GTF2E2: variants seen among roughly 807,000 people sequenced by gnomAD.
The protein encoded by GTF2E2 is transcription initiation factor IIE subunit beta.
GTF2E2 carries 21 observed loss-of-function variants against 40.5 expected under a neutral mutation model. The observed-to-expected ratio is 0.52, with a 90% CI of 0.37 to 0.75. GTF2E2 has a LOEUF of 0.75. GTF2E2 is among the 30% of genes least tolerant of loss of function. GTF2E2 has a pLI of 0.00. For synonymous variants in GTF2E2, 117 were observed against 121.6 expected (o/e 0.96, Z 0.25); for missense variants, 298 against 338.4 (o/e 0.88, Z 0.94).
intron 6 of GTF2E2, among the ~76,000 whole-genome samples, chr8:30,590,513 C>A (rs564746051): frequency 4.6e-5 from 7 of 152,268 alleles, no homozygotes; most frequent in African/African-American, 1.7e-4. Flanking sequence ...CTAAAGGACA[C>A]TGGACCCACG....
At chr8:30,623,998 A>G (rs1431000823) in intron 3 of GTF2E2, among the ~76,000 whole-genome samples, 1 of 152,076 alleles carries the variant, frequency 6.6e-6, no homozygotes, top group African/African-American at 2.4e-5. Flanking sequence ...TTTGCTGTGC[A>G]GAAGCCCTTT....
chr8:30,591,917 T>A (rs1828862144), intron 6 of GTF2E2, among the ~76,000 whole-genome samples: 2 of 151,986 alleles, frequency 1.3e-5, no homozygotes, highest in East Asian at 3.8e-4. Flanking sequence ...GGCCATACAA[T>A]AGAATTTTTT....
intron 1 of GTF2E2, chr8:30,657,717 G>A (rs1802488745): frequency 6.6e-6 from 1 of 152,266 alleles, no homozygotes; most frequent in Non-Finnish European, 1.5e-5. Flanking sequence ...TGGAGGCTTG[G>A]AAGAGGCACA....
intron 2 of GTF2E2, among the ~76,000 whole-genome samples, chr8:30,640,739 C>T (rs1457022594): frequency 6.6e-6 from 1 of 152,174 alleles, no homozygotes; most frequent in African/African-American, 2.4e-5. Context: ...GAGTCTCACT[C>T]TATCGCCCAG....
intron 3 of GTF2E2, among the ~76,000 whole-genome samples, chr8:30,628,047 T>G (rs1801337072): frequency 6.6e-6 from 1 of 152,222 alleles, no homozygotes; most frequent in African/African-American, 2.4e-5. Context: ...CTGTTTGGGC[T>G]TGAAAGTGAG....
At position 30,614,844 on chromosome 8, in the gene GTF2E2, C is replaced by A. The variant is rs556458117; in HGVS notation, c.259-129G>T. The A allele has an allele frequency of 1.5e-5, 9 of 598,170 alleles. No individual in the cohort carries two copies. In the East Asian group the frequency reaches 2.6e-4, roughly 18 times the overall value. The allele number at this position is 598,170 out of a possible 1,614,324, so 37.1% of individuals were successfully genotyped here. A position where few individuals can be genotyped will look rare whatever the true frequency, so the allele number is the denominator to read the frequency against. On this transcript the variant is annotated intron_variant, in intron 3 of 7. Coordinates refer to ENST00000355904, the MANE Select transcript of GTF2E2 (RefSeq NM_002095.6). ...ATTCCAGGTAGCATAATTATAGTGA[C>A]GAAGAGCCATAGACCATGAAATCAG... is the stretch of plus-strand genomic sequence containing the variant.
intron 3 of GTF2E2, among the ~76,000 whole-genome samples, chr8:30,626,409 C>T (rs1416980461): frequency 3.9e-5 from 6 of 152,080 alleles, no homozygotes; most frequent in African/African-American, 1.2e-4. Context: ...CGCTTGAACC[C>T]GAGAGGTGGA....
In GTF2E2 at chr8:30,578,881, A is replaced by G. The variant is rs759028940; in HGVS notation, c.*40T>C. On this transcript the variant is annotated 3_prime_UTR_variant, in exon 8 of 8. Coordinates refer to ENST00000355904, the MANE Select transcript of GTF2E2 (RefSeq NM_002095.6). ...CCGAGCATCAGCAAGAACACTCTTG[A>G]TTGTGTATCTGTAACTCTGTTCCAG... is the stretch of plus-strand genomic sequence containing the variant. 1 of 972,634 alleles carries G rather than the reference A, an allele frequency of 1.0e-6. No individual in the cohort carries two copies. 60.3% of individuals were successfully genotyped at this position (972,634 alleles called of 1,614,324 possible). A position where few individuals can be genotyped will look rare whatever the true frequency, so the allele number is the denominator to read the frequency against.
At chr8:30,606,862 T>C (rs913986573) in intron 6 of GTF2E2, among the ~76,000 whole-genome samples, 195 bp downstream of exon 6, 1 of 152,142 alleles carries the variant, frequency 6.6e-6, no homozygotes, top group Admixed American at 6.6e-5. Flanking sequence ...ACCTAAAATC[T>C]TTCAAATCAC....
intron 2 of GTF2E2, among the ~76,000 whole-genome samples, chr8:30,635,467 C>G (rs1354937515): frequency 1.3e-5 from 2 of 152,104 alleles, no homozygotes; most frequent in African/African-American, 4.8e-5. Flanking sequence ...ACTACACCCT[C>G]AACTTCCCAG....
At chr8:30,612,689 G>C (rs1467396246) in intron 4 of GTF2E2, among the ~76,000 whole-genome samples, 2 of 152,098 alleles carry the variant, frequency 1.3e-5, no homozygotes, top group East Asian at 3.9e-4. Context: ...TGGGACTGCA[G>C]GTGCGCACCA....
At position 30,623,141 on chromosome 8, in the gene GTF2E2, A is replaced by T. The variant is rs570613996; in HGVS notation, c.259-8426T>A. ...GAAAGGCATAAGAAATTATAAAAGT[A>T]TTAAATTGGGGAACTAATAAATGTC... On this transcript the variant is annotated intron_variant, in intron 3 of 7. Transcript: ENST00000355904. 1.1e-3 allele frequency among the ~76,000 whole-genome samples: 160 copies of T among 152,228 alleles called. 4 individuals are homozygous for T. The highest frequency in any genetic ancestry group is 3.7e-3 in the African/African-American group (153 of 41,482).
intron 6 of GTF2E2, among the ~76,000 whole-genome samples, chr8:30,593,932 T>G (rs1262859923): frequency 6.6e-6 from 1 of 152,078 alleles, no homozygotes; most frequent in Non-Finnish European, 1.5e-5. Flanking sequence ...TATTTTTTAT[T>G]TTTTTATCTT....
chr8:30,653,462 C>T lies in GTF2E2; in HGVS notation c.137G>A (p.Gly46Glu), dbSNP rs543436891. 7 of 1,613,772 alleles carry T rather than the reference C, an allele frequency of 4.3e-6. No individual in the cohort carries two copies. In the East Asian group the frequency reaches 1.3e-4, roughly 31 times the overall value. ...ATTTTGTTTAGAGCCTGACGATCCT[C>T]CATGTTCTACCTTTGTTTTCTTCTT... ...SKKKKTKVEH[G>E]GSSGSKQNSD... is the part of the protein sequence containing the mutation. Residue 46 changes from glycine to glutamate, a missense_variant, in exon 2 of 8, where the codon GGA (glycine) becomes GAA (glutamate). Physicochemically the swap from Gly to Glu is moderately conservative, Grantham distance 98 (BLOSUM62 -2). Coordinates refer to ENST00000355904, the MANE Select transcript of GTF2E2 (RefSeq NM_002095.6).
Position 30,607,030 on chromosome 8 carries a change from A to C in GTF2E2, c.643+27T>G, listed in dbSNP as rs766280246. The C allele has an allele frequency of 8.5e-6, 7 of 820,834 alleles. No individual in the cohort carries two copies. The South Asian group carries it at 1.2e-4, about 14-fold the overall frequency. 50.8% of individuals were successfully genotyped at this position (820,834 alleles called of 1,614,324 possible). On this transcript the variant is annotated intron_variant, in intron 6 of 7. Transcript: ENST00000355904. ...CCCTAAAATTGTAATATACTTGCAAACTAAAGTATAATACAGAAAAGCTCA... is the reference window on the plus strand; with the variant it reads ...CCCTAAAATTGTAATATACTTGCAACCTAAAGTATAATACAGAAAAGCTCA...
At chr8:30,656,931 T>G (rs1205597721) in intron 1 of GTF2E2, 1 of 152,026 alleles carries the variant, frequency 6.6e-6, no homozygotes, top group African/African-American at 2.4e-5. Flanking sequence ...TTTTAATACG[T>G]GAAATCTGAA....
chr8:30,602,062 G>A (rs1829195522), intron 6 of GTF2E2, among the ~76,000 whole-genome samples: 1 of 151,116 alleles, frequency 6.6e-6, no homozygotes, highest in Admixed American at 6.6e-5. Flanking sequence ...CTGTTGTCCA[G>A]GTTGGAGTGC....
At chr8:30,651,069 T>C (rs1217238019) in intron 2 of GTF2E2, among the ~76,000 whole-genome samples, 3 of 150,592 alleles carry the variant, frequency 2.0e-5, no homozygotes, top group Admixed American at 6.6e-5. Flanking sequence ...CTTCTTCAAC[T>C]GGAAAGGGCA....
intron 6 of GTF2E2, among the ~76,000 whole-genome samples, chr8:30,599,713 G>A (rs941580563): frequency 1.3e-5 from 2 of 151,806 alleles, no homozygotes; most frequent in African/African-American, 2.4e-5. Context: ...GGCAGGGCAC[G>A]GTGGCTCACA....
Sources: gnomAD v4.1 joint callset for allele counts (sites outside exome capture counted in the v4.1 genomes callset) on GRCh38, gnomAD v4.1.1 for gene constraint, MANE v1.5 for transcripts, NCBI Gene and HGNC (gene_info 2026-07-23, HGNC 2026-07-21) for gene names.